Variants in PSD3 observed in about 807,000 individuals in gnomAD.
The protein encoded by PSD3 is PH and SEC7 domain-containing protein 3.
A neutral mutation model predicts 105.5 loss-of-function variants in PSD3; 49 were observed. The ratio of observed to expected loss-of-function variants is 0.46; its 90% CI spans 0.37 to 0.59. The LOEUF is 0.59. Ranked by LOEUF, PSD3 falls within the 20% of genes least tolerant of loss-of-function variation. The pLI, the probability that PSD3 is intolerant of heterozygous loss-of-function variation, is 0.00. For missense variants in PSD3, 1,561 were observed against 1,263.8 expected, an observed-to-expected ratio of 1.24 and a Z score of -3.57; for synonymous variants, 557 against 457.8, an observed-to-expected ratio of 1.22 and a Z score of -2.77.
intron 2 of PSD3, among the ~76,000 whole-genome samples, chr8:18,905,856 T>C (rs1202986728): frequency 1.3e-5 from 2 of 152,150 alleles, no homozygotes; most frequent in African/African-American, 4.8e-5. Flanking sequence ...CTATACTTAC[T>C]AAGATTAAAG....
intron 9 of PSD3, among the ~76,000 whole-genome samples, chr8:18,735,573 A>C (rs796318288): frequency 4.6e-5 from 7 of 152,302 alleles, no homozygotes; most frequent in African/African-American, 1.7e-4. Context: ...TTCTACAAGC[A>C]CAGTTTTTCT....
At chr8:18,777,032 A>T (rs941707044) in intron 8 of PSD3, among the ~76,000 whole-genome samples, 1 of 151,828 alleles carries the variant, frequency 6.6e-6, no homozygotes, top group African/African-American at 2.4e-5. Flanking sequence ...ACTAGCAAAA[A>T]GTTTGTCAAT....
intron 11 of PSD3, 49 bp from the exon 12 acceptor site, chr8:18,600,483 G>C: frequency 3.6e-6 from 5 of 1,389,196 alleles, no homozygotes; most frequent in African/African-American, 1.4e-5. Flanking sequence ...CAGCATTTTA[G>C]AAAGAGAATC....
intron 2 of PSD3, among the ~76,000 whole-genome samples, chr8:18,894,748 C>G (rs150124986): frequency 2.6e-4 from 40 of 152,228 alleles, no homozygotes; most frequent in African/African-American, 9.6e-4. Flanking sequence ...ATCGGAACTC[C>G]CACCCTATGA....
At chr8:18,739,227 A>G (rs1804379316) in intron 9 of PSD3, among the ~76,000 whole-genome samples, 1 of 152,220 alleles carries the variant, frequency 6.6e-6, no homozygotes, top group Admixed American at 6.5e-5. Flanking sequence ...GTAACAAGGA[A>G]GCAGATGATT....
chr8:18,986,905 C>T (rs552685354), intron 1 of PSD3, among the ~76,000 whole-genome samples: 1 of 152,214 alleles, frequency 6.6e-6, no homozygotes, highest in Non-Finnish European at 1.5e-5. Flanking sequence ...ACACCGTGGG[C>T]CTACTTTAAC....
chr8:18,927,111 A>G (rs2129468037), intron 2 of PSD3, among the ~76,000 whole-genome samples: 1 of 152,258 alleles, frequency 6.6e-6, no homozygotes, highest in African/African-American at 2.4e-5. Flanking sequence ...TATGTATGGG[A>G]AAAGGGGCAC....
chr8:18,617,119 T>C (rs1485099029), intron 11 of PSD3, among the ~76,000 whole-genome samples: 1 of 152,208 alleles, frequency 6.6e-6, no homozygotes, highest in Non-Finnish European at 1.5e-5. Flanking sequence ...TCAGTGAACC[T>C]TCAGAGGGTG....
chr8:18,666,257 G>C (rs974661199), intron 9 of PSD3, among the ~76,000 whole-genome samples: 7 of 152,174 alleles, frequency 4.6e-5, no homozygotes, highest in Non-Finnish European at 8.8e-5. Flanking sequence ...CGCCATGTTG[G>C]CCAGGCTGGT....
chr8:18,999,200 G>C (rs1826240127), intron 1 of PSD3, among the ~76,000 whole-genome samples: 3 of 151,862 alleles, frequency 2.0e-5, no homozygotes, highest in African/African-American at 7.3e-5. Flanking sequence ...TAACAGGTTT[G>C]CTTTTGTTTC....
intron 9 of PSD3, among the ~76,000 whole-genome samples, chr8:18,684,378 TAG>T (rs959733387): frequency 2.6e-5 from 4 of 152,000 alleles, no homozygotes; most frequent in African/African-American, 4.8e-5. Flanking sequence ...AACAACCAAA[TAG>T]AGATACCACA....
At chr8:18,762,182 T>C (rs550473680) in intron 9 of PSD3, among the ~76,000 whole-genome samples, 3 of 152,276 alleles carry the variant, frequency 2.0e-5, no homozygotes, top group South Asian at 4.1e-4. Flanking sequence ...CATGAATGGG[T>C]TAGCACTGTC....
At chr8:18,814,460 G>A (rs1466804227) in intron 4 of PSD3, among the ~76,000 whole-genome samples, 39 of 152,026 alleles carry the variant, frequency 2.6e-4, no homozygotes, top group Admixed American at 2.3e-3. Flanking sequence ...ACGTTTCTAG[G>A]GGCATGATGC....
chr8:18,762,842 TAACCC>T, intron 9 of PSD3: 1 of 1,000,948 alleles, frequency 1.0e-6, no homozygotes, highest in Non-Finnish European at 1.3e-6. Context: ...TATTTTTTCT[TAACCC>T]TTTCTCTTCA....
chr8:19,060,191 TTTAAGGATTATG>T (rs1828848320), intron 1 of PSD3, among the ~76,000 whole-genome samples: 1 of 152,160 alleles, frequency 6.6e-6, no homozygotes, highest in African/African-American at 2.4e-5. Flanking sequence ...AGTTTTGGAA[TTTAAGGATTATG>T]TGGATTCAGG....
intron 1 of PSD3, among the ~76,000 whole-genome samples, chr8:19,076,107 A>C (rs1231963179): frequency 6.6e-6 from 1 of 151,876 alleles, no homozygotes; most frequent in East Asian, 1.9e-4. Flanking sequence ...GCTCTCAATA[A>C]AAATACGGTG....
At chr8:18,951,133 A>G (rs185976028) in intron 1 of PSD3, among the ~76,000 whole-genome samples, 230 of 152,260 alleles carry the variant, frequency 1.5e-3, no homozygotes, top group Non-Finnish European at 2.9e-3. Flanking sequence ...GGTGGCTCAT[A>G]CCTACGATCC....
chr8:18,886,195 A>G (rs79263130), intron 2 of PSD3, among the ~76,000 whole-genome samples: 9,498 of 148,604 alleles, frequency 0.064, 517 homozygotes, highest in Admixed American at 0.18. Context: ...GCTTGTGGGG[A>G]AAAAAAAAAG....
chr8:18,892,553 C>T (rs944539132), intron 2 of PSD3, among the ~76,000 whole-genome samples: 4 of 151,384 alleles, frequency 2.6e-5, no homozygotes, highest in Admixed American at 2.0e-4. Flanking sequence ...CACGATGTAT[C>T]ATCAGTAATA....
Sources: allele counts gnomAD v4.1 joint callset (sites outside exome capture counted in the v4.1 genomes callset), GRCh38; gene constraint gnomAD v4.1.1; transcripts MANE v1.5; gene names NCBI Gene and HGNC (gene_info 2026-07-23, HGNC 2026-07-21).